MIPOL1: variants seen among roughly 807,000 people sequenced by gnomAD.
The protein encoded by MIPOL1 is mirror-image polydactyly gene 1 protein.
MIPOL1 carries 57 observed loss-of-function variants against 60.9 expected under a neutral mutation model. That is an observed-to-expected ratio of 0.94 (90% confidence interval 0.76 to 1.17). The LOEUF (loss-of-function observed/expected upper bound fraction) is 1.17. Among genes scored for constraint, MIPOL1 ranks in the 50% most tolerant of loss-of-function variants. The pLI, the probability that MIPOL1 is intolerant of heterozygous loss-of-function variation, is 0.00. For synonymous variants in MIPOL1, 179 were observed against 168.8 expected (o/e 1.06, Z -0.47); for missense variants, 551 against 511.6 (o/e 1.08, Z -0.74).
At chr14:37,285,566 A>T in intron 7 of MIPOL1, 119 bp downstream of exon 7, 2 of 953,604 alleles carry the variant, frequency 2.1e-6, no homozygotes, top group Non-Finnish European at 3.0e-6. Flanking sequence ...AGGAAATTGC[A>T]TGTCTCCAGT....
At chr14:37,486,756 A>C (rs1032636141) in intron 11 of MIPOL1, among the ~76,000 whole-genome samples, 6 of 152,178 alleles carry the variant, frequency 3.9e-5, no homozygotes, top group Non-Finnish European at 5.9e-5. Context: ...CTAAATATAC[A>C]ATCATGTCAT....
chr14:37,288,002 A>G (rs987216895), intron 7 of MIPOL1, among the ~76,000 whole-genome samples: 4 of 152,190 alleles, frequency 2.6e-5, no homozygotes, highest in African/African-American at 9.7e-5. Context: ...TAAAAGAAGA[A>G]GTTGAAGTAA....
intron 1 of MIPOL1, among the ~76,000 whole-genome samples, chr14:37,224,496 G>A (rs1969367862): frequency 6.6e-6 from 1 of 152,148 alleles, no homozygotes; most frequent in South Asian, 2.1e-4. Flanking sequence ...TGGCAGACAA[G>A]GGAAGACAGT....
chr14:37,329,953 G>C (rs1406743481), intron 9 of MIPOL1, among the ~76,000 whole-genome samples: 1 of 152,006 alleles, frequency 6.6e-6, no homozygotes, highest in Non-Finnish European at 1.5e-5. Context: ...GCTAACTACA[G>C]AGTTCAACAT....
At chr14:37,211,596 T>C (rs921709523) in intron 1 of MIPOL1, among the ~76,000 whole-genome samples, 2 of 152,140 alleles carry the variant, frequency 1.3e-5, no homozygotes, top group African/African-American at 4.8e-5. Context: ...CACTGAGGTC[T>C]GCAGCACTCT....
At chr14:37,302,249 A>T (rs1595014443) in intron 7 of MIPOL1, among the ~76,000 whole-genome samples, 2 of 132,986 alleles carry the variant, frequency 1.5e-5, no homozygotes, top group Admixed American at 1.7e-4. Flanking sequence ...ATATACAAGC[A>T]TTTGGAACTG....
intron 7 of MIPOL1, among the ~76,000 whole-genome samples, chr14:37,297,542 G>A (rs1453464280): frequency 3.3e-5 from 5 of 152,050 alleles, no homozygotes; most frequent in Admixed American, 6.6e-5. Flanking sequence ...ACATGATTGT[G>A]TATCTAGAAA....
At position 37,476,478 on chromosome 14, in the gene MIPOL1, G is replaced by C. The variant is rs148302053; in HGVS notation, c.1032-23430G>C. ...AGGACTTCTAGTGCGATGTTGAATA[G>C]AAGTAGTGAGAGGGCACTTCTTACC... On this transcript the variant is annotated intron_variant, in intron 11 of 12. Transcript: ENST00000684589. Among the ~76,000 whole-genome samples the C allele has an allele frequency of 1.5e-3, 223 of 152,290 alleles. 1 individual carries two copies. Among genetic ancestry groups the C allele is most frequent in the African/African-American group, 4.4e-3 (183 of 41,570 alleles).
intron 10 of MIPOL1, among the ~76,000 whole-genome samples, chr14:37,378,693 G>A (rs2092843072): frequency 6.6e-6 from 1 of 151,654 alleles, no homozygotes; most frequent in African/African-American, 2.4e-5. Context: ...TGAAAGAAAA[G>A]AGAGGGAGGG....
At chr14:37,552,138 A>G (rs560615322), downstream of MIPOL1, 5 of 152,190 alleles carry the variant, frequency 3.3e-5, no homozygotes, top group East Asian at 9.7e-4. Flanking sequence ...ATGGAGTGGA[A>G]GTGGGCAGTA....
At chr14:37,425,104 A>G (rs1410179721) in intron 11 of MIPOL1, among the ~76,000 whole-genome samples, 1 of 152,220 alleles carries the variant, frequency 6.6e-6, no homozygotes, top group African/African-American at 2.4e-5. Context: ...GGACATTGCA[A>G]TGTGGTAATT....
intron 10 of MIPOL1, among the ~76,000 whole-genome samples, chr14:37,391,447 G>A (rs2093236952): frequency 6.6e-6 from 1 of 151,166 alleles, no homozygotes; most frequent in South Asian, 2.1e-4. Context: ...CCATGCTGGA[G>A]TGCCGTGGCG....
intron 1 of MIPOL1, among the ~76,000 whole-genome samples, chr14:37,215,241 C>A (rs1475496570): frequency 3.3e-5 from 5 of 152,064 alleles, no homozygotes; most frequent in Non-Finnish European, 5.9e-5. Context: ...GCTCACACTC[C>A]TTACCCTGCC....
chr14:37,541,372 A>T (rs2095528952), intron 12 of MIPOL1, among the ~76,000 whole-genome samples: 1 of 152,030 alleles, frequency 6.6e-6, no homozygotes, highest in African/African-American at 2.4e-5. Flanking sequence ...CAGTTTCCTT[A>T]TGTCCTCGTC....
intron 9 of MIPOL1, among the ~76,000 whole-genome samples, chr14:37,350,232 T>C (rs2091256436): frequency 1.3e-5 from 2 of 152,086 alleles, no homozygotes; most frequent in Non-Finnish European, 2.9e-5. Flanking sequence ...ATTCCATGCC[T>C]GACAAATTCT....
intron 11 of MIPOL1, among the ~76,000 whole-genome samples, chr14:37,471,525 A>G (rs1206128145): frequency 6.6e-6 from 1 of 152,236 alleles, no homozygotes; most frequent in African/African-American, 2.4e-5. Flanking sequence ...ACTTGTAGCT[A>G]TACAAACTGC....
chr14:37,327,604 T>C (rs779471441), intron 9 of MIPOL1, among the ~76,000 whole-genome samples: 1 of 152,140 alleles, frequency 6.6e-6, no homozygotes, highest in Non-Finnish European at 1.5e-5. Flanking sequence ...AGTCTTTAGC[T>C]GACAGTGAAA....
intron 1 of MIPOL1, among the ~76,000 whole-genome samples, chr14:37,236,626 C>A (rs938596366): frequency 6.6e-6 from 1 of 151,750 alleles, no homozygotes; most frequent in Non-Finnish European, 1.5e-5. Context: ...TTAGTAGAGA[C>A]GGGGTTTCTC....
intron 11 of MIPOL1, among the ~76,000 whole-genome samples, chr14:37,424,826 C>G (rs1213486144): frequency 6.6e-6 from 1 of 152,172 alleles, no homozygotes; most frequent in African/African-American, 2.4e-5. Flanking sequence ...TCTTTTACAC[C>G]AATGACTCTC....
Sources: allele counts gnomAD v4.1 joint callset (sites outside exome capture counted in the v4.1 genomes callset), GRCh38; gene constraint gnomAD v4.1.1; transcripts MANE v1.5; gene names NCBI Gene and HGNC (gene_info 2026-07-23, HGNC 2026-07-21).